CCDC7: variants seen among roughly 807,000 people sequenced by gnomAD.
CCDC7 encodes coiled-coil domain-containing protein 7.
CCDC7 carries 183 observed loss-of-function variants against 196.9 expected under a neutral mutation model. The ratio of observed to expected loss-of-function variants is 0.93; its 90% CI spans 0.82 to 1.05. The LOEUF is 1.05. Ranked by LOEUF, CCDC7 falls within the 50% of genes least tolerant of loss-of-function variation. The pLI, the probability that CCDC7 is intolerant of heterozygous loss-of-function variation, is 0.00. For missense variants in CCDC7, 1,540 were observed against 1,482.2 expected (o/e 1.04, Z -0.64); for synonymous variants, 525 against 484.6 (o/e 1.08, Z -1.10).
intron 20 of CCDC7, among the ~76,000 whole-genome samples, chr10:32,655,940 A>G (rs2069748952): frequency 6.6e-6 from 1 of 152,104 alleles, no homozygotes; most frequent in Non-Finnish European, 1.5e-5. Flanking sequence ...TTCCTTACGT[A>G]TTTTGACTAT....
intron 28 of CCDC7, among the ~76,000 whole-genome samples, chr10:32,767,916 G>C (rs2078583043): frequency 6.6e-6 from 1 of 152,052 alleles, no homozygotes; most frequent in Admixed American, 6.6e-5. Flanking sequence ...CAAAGAGATT[G>C]AAGTAATAAC....
chr10:32,666,120 CTTT>C (rs35052301), intron 21 of CCDC7, among the ~76,000 whole-genome samples: 50 of 130,782 alleles, frequency 3.8e-4, no homozygotes, highest in South Asian at 7.1e-4. Context: ...TATTCTTTTT[CTTT>C]TTTTTTTTTT....
chr10:32,755,335 T>C (rs1288276790), intron 28 of CCDC7, among the ~76,000 whole-genome samples: 1 of 152,130 alleles, frequency 6.6e-6, no homozygotes, highest in Admixed American at 6.5e-5. Flanking sequence ...GGGTCCCTGA[T>C]ACTCAAGTAG....
intron 13 of CCDC7, among the ~76,000 whole-genome samples, chr10:32,548,086 A>G (rs1212035389): frequency 1.3e-5 from 2 of 152,158 alleles, no homozygotes; most frequent in East Asian, 3.8e-4. Context: ...CATAAATTTA[A>G]TTTTCTCAGC....
intron 18 of CCDC7, among the ~76,000 whole-genome samples, chr10:32,586,214 T>A (rs1322856685): frequency 6.6e-6 from 1 of 152,210 alleles, no homozygotes; most frequent in Non-Finnish European, 1.5e-5. Flanking sequence ...CACTTTTTGA[T>A]GGGGTTGTTT....
intron 21 of CCDC7, chr10:32,675,770 G>T (rs2074847664): frequency 6.6e-6 from 1 of 152,190 alleles, no homozygotes; most frequent in African/African-American, 2.4e-5. Context: ...CCATGCTCAT[G>T]GGAAGGAAGA....
chr10:32,451,293 A>G (rs2032999942), upstream of CCDC7, among the ~76,000 whole-genome samples: 1 of 152,226 alleles, frequency 6.6e-6, no homozygotes, highest in Non-Finnish European at 1.5e-5. Flanking sequence ...TGTAAAATGG[A>G]ATAATGATGT....
intron 20 of CCDC7, among the ~76,000 whole-genome samples, chr10:32,655,250 A>G (rs912283794): frequency 2.0e-5 from 3 of 152,016 alleles, no homozygotes; most frequent in African/African-American, 7.2e-5. Flanking sequence ...AGGGGAATGG[A>G]ATTAGGGCAT....
chr10:32,826,080 A>G (rs908750544), intron 32 of CCDC7, among the ~76,000 whole-genome samples: 4 of 152,170 alleles, frequency 2.6e-5, no homozygotes, highest in Non-Finnish European at 5.9e-5. Context: ...GGCAACAGTG[A>G]TGGCCTTCCC....
chr10:32,601,706 C>T (rs1019768917), intron 18 of CCDC7, among the ~76,000 whole-genome samples: 4 of 151,680 alleles, frequency 2.6e-5, no homozygotes, highest in African/African-American at 9.7e-5. Flanking sequence ...CTGTGTCTAG[C>T]TAAAGGATTG....
rs568475733 is a variant in CCDC7 at position 32,821,023 on chromosome 10, A to T, written c.3182-3495A>T. The stretch of plus-strand genomic sequence containing the variant: ...GCAAAGGAAACTACCATCAGAGTGA[A>T]CAGGCAACCTACAGAATGGGAGAAA... On this transcript the variant is annotated intron_variant, in intron 31 of 41. Coordinates refer to ENST00000639629, the Ensembl canonical transcript of CCDC7. 6.0e-3 allele frequency among the ~76,000 whole-genome samples: 907 copies of T among 152,326 alleles called. 10 individuals are homozygous for T. The highest frequency in any genetic ancestry group is 0.021 in the African/African-American group (865 of 41,578).
intron 13 of CCDC7, among the ~76,000 whole-genome samples, chr10:32,548,610 G>C (rs920395278): frequency 6.6e-6 from 1 of 152,146 alleles, no homozygotes; most frequent in African/African-American, 2.4e-5. Flanking sequence ...CAATTTACAG[G>C]CTAAAACCTT....
In CCDC7 at chr10:32,543,398, G is replaced by C; in HGVS notation, c.1079+13G>C. The C allele has an allele frequency of 7.5e-7, 1 of 1,335,264 alleles. No individual in the cohort carries two copies. Among genetic ancestry groups the C allele is most frequent in the South Asian group, 1.7e-5 (1 of 58,282 alleles). 82.7% of individuals were successfully genotyped at this position (1,335,264 alleles called of 1,614,324 possible). Reference sequence around the variant, plus strand: ...AGGATTCAGAAAAGTAAGACATAAAGATACATGTTAATCTTTTTTTCCTTG... The same window carrying C: ...AGGATTCAGAAAAGTAAGACATAAACATACATGTTAATCTTTTTTTCCTTG... On this transcript the variant is annotated intron_variant, in intron 12 of 41. Transcript: ENST00000639629.
intron 24 of CCDC7, among the ~76,000 whole-genome samples, chr10:32,696,032 T>C (rs2077672242): frequency 6.6e-6 from 1 of 151,988 alleles, no homozygotes; most frequent in South Asian, 2.1e-4. Context: ...GTTGATAGTG[T>C]TTTTAAGAGA....
At chr10:32,876,291 A>G (rs1423726879) in intron 41 of CCDC7, 56 bp from the exon 43 acceptor site, 4 of 1,295,688 alleles carry the variant, frequency 3.1e-6, no homozygotes, top group East Asian at 4.7e-5. Context: ...TAAAAATTAT[A>G]TCAACTGGAG....
intron 28 of CCDC7, among the ~76,000 whole-genome samples, chr10:32,758,729 G>A (rs770781751): frequency 1.6e-4 from 25 of 152,130 alleles, no homozygotes; most frequent in Non-Finnish European, 7.4e-5. Context: ...TCAACATAGT[G>A]TTGAAAGTTC....
At chr10:32,667,592 G>A (rs1006479963) in intron 21 of CCDC7, among the ~76,000 whole-genome samples, 10 of 152,138 alleles carry the variant, frequency 6.6e-5, no homozygotes, top group Non-Finnish European at 1.3e-4. Context: ...CATATGGCTA[G>A]CCAGTTTTCC....
At chr10:32,765,827 C>T (rs1046814987) in intron 28 of CCDC7, among the ~76,000 whole-genome samples, 4 of 152,060 alleles carry the variant, frequency 2.6e-5, no homozygotes, top group East Asian at 1.9e-4. Flanking sequence ...AGCAAATTAA[C>T]GTATCCCCTG....
chr10:32,679,505 G>T (rs963850733), intron 21 of CCDC7, among the ~76,000 whole-genome samples: 5 of 152,170 alleles, frequency 3.3e-5, no homozygotes, highest in African/African-American at 1.2e-4. Context: ...TGCCACATGG[G>T]CAATACAAGA....
Sources: gnomAD v4.1 joint callset for allele counts (sites outside exome capture counted in the v4.1 genomes callset) on GRCh38, gnomAD v4.1.1 for gene constraint, MANE v1.5 for transcripts, NCBI Gene and HGNC (gene_info 2026-07-23, HGNC 2026-07-21) for gene names.